The following SYT6 variants were observed in gnomAD, a reference collection of about 807,000 sequenced individuals.
SYT6 encodes synaptotagmin 6.
In SYT6, 24 loss-of-function variants were observed where a neutral mutation model predicts 38.4. That is an observed-to-expected ratio of 0.62 (90% CI 0.45 to 0.88). SYT6 has a LOEUF of 0.88. Among genes scored for constraint, SYT6 ranks in the 40% least tolerant of loss-of-function variants. The pLI is 0.00. For missense variants in SYT6, 611 were observed against 621.0 expected (o/e 0.98, Z 0.17); for synonymous variants, 265 against 241.9 (o/e 1.10, Z -0.89).
At chr1:114,108,189 T>C (rs1423297147) in intron 3 of SYT6, among the ~76,000 whole-genome samples, 1 of 152,174 alleles carries the variant, frequency 6.6e-6, no homozygotes, top group African/African-American at 2.4e-5. Flanking sequence ...CTGATGTCGC[T>C]GCCCATATTA....
At chr1:114,146,683 AG>A (rs1335899756) in intron 1 of SYT6, among the ~76,000 whole-genome samples, 4 of 152,164 alleles carry the variant, frequency 2.6e-5, no homozygotes. Flanking sequence ...AGTACCTCCT[AG>A]GTATTTGGAT....
chr1:114,142,441 G>C (rs1678916454), intron 1 of SYT6, among the ~76,000 whole-genome samples: 1 of 152,162 alleles, frequency 6.6e-6, no homozygotes, highest in Non-Finnish European at 1.5e-5. Flanking sequence ...AATTGTGGAT[G>C]AGTAAATATT....
chr1:114,100,658 G>A (rs773238693), intron 4 of SYT6, among the ~76,000 whole-genome samples: 1 of 152,184 alleles, frequency 6.6e-6, no homozygotes, highest in Non-Finnish European at 1.5e-5. Flanking sequence ...ACATTTGAAA[G>A]GACCCTCTCT....
chr1:114,133,545 C>T (rs1003975922), intron 3 of SYT6, among the ~76,000 whole-genome samples: 10 of 152,152 alleles, frequency 6.6e-5, no homozygotes, highest in African/African-American at 2.4e-4. Flanking sequence ...GAGACAGTGG[C>T]AAACCTCTGG....
In SYT6 at chr1:114,129,564, T is replaced by TTTTCTTTCTTTCTTTCTTTC. The variant is rs58281086; in HGVS notation, c.1071+7911_1071+7930dup. ...TTTTTTTTCTGTCTTTTTTTCTTTC[T>TTTTCTTTCTTTCTTTCTTTC]TTTCTTTCTTTCTTTCTTTCTTTCT... On this transcript the variant is annotated intron_variant, in intron 3 of 7. Coordinates refer to ENST00000610222, the MANE Select transcript of SYT6 (RefSeq NM_001253772.2). Among the ~76,000 whole-genome samples, 138 of 113,004 alleles carry TTTTCTTTCTTTCTTTCTTTC rather than the reference T, an allele frequency of 1.2e-3. 1 individual carries two copies. Among genetic ancestry groups the TTTTCTTTCTTTCTTTCTTTC allele is most frequent in the Admixed American group, 2.8e-3 (29 of 10,510 alleles). The allele number at this position is 113,004 out of a possible 152,430, so 74.1% of individuals were successfully genotyped here.
chr1:114,139,721 G>A lies in SYT6; in HGVS notation c.406C>T (p.His136Tyr). ...GFLEAAVKISHTSPDIPAEVQ... is the reference protein window; with the variant it reads ...GFLEAAVKISYTSPDIPAEVQ... ...TCAGCTGGGATATCTGGGGACGTGT[G>A]GCTGATCTTCACGGCCGCCTCCAGG... Residue 136 changes from histidine to tyrosine, a missense_variant, in exon 2 of 8, where the codon CAC (histidine) becomes TAC (tyrosine). By Grantham distance (83) the His-to-Tyr change is moderately conservative. Coordinates refer to ENST00000610222, the MANE Select transcript of SYT6 (RefSeq NM_001253772.2). The A allele has an allele frequency of 6.2e-7, 1 of 1,614,184 alleles. No homozygotes were observed. Among genetic ancestry groups the A allele is most frequent in the Non-Finnish European group, 8.5e-7 (1 of 1,180,038 alleles).
intron 3 of SYT6, among the ~76,000 whole-genome samples, chr1:114,129,086 C>T (rs1677926479): frequency 6.6e-6 from 1 of 152,170 alleles, no homozygotes. Context: ...CATATGGGTT[C>T]TTCCTCCAAG....
chr1:114,104,073 T>C (rs1571828421), intron 3 of SYT6, among the ~76,000 whole-genome samples: 1 of 152,156 alleles, frequency 6.6e-6, no homozygotes, highest in East Asian at 1.9e-4. Context: ...CCTGTTCTCC[T>C]CCAGCCCACC....
At chr1:114,132,901 T>C (rs1254185913) in intron 3 of SYT6, among the ~76,000 whole-genome samples, 2 of 152,178 alleles carry the variant, frequency 1.3e-5, no homozygotes, top group African/African-American at 2.4e-5. Flanking sequence ...ACAGTTTAGA[T>C]AATGTCCCAA....
intron 3 of SYT6, among the ~76,000 whole-genome samples, chr1:114,129,746 T>C (rs1373060823): frequency 6.6e-6 from 1 of 151,550 alleles, no homozygotes; most frequent in Non-Finnish European, 1.5e-5. Context: ...GGTGTAATCA[T>C]GGCTCACTGC....
chr1:114,143,558 A>ATGTG (rs1037370449), intron 1 of SYT6, among the ~76,000 whole-genome samples: 1 of 148,738 alleles, frequency 6.7e-6, no homozygotes, highest in African/African-American at 2.5e-5. Context: ...ACTTATGTGC[A>ATGTG]TGTGTGTGTG....
chr1:114,112,364 C>T (rs1427833779), intron 3 of SYT6, among the ~76,000 whole-genome samples: 2 of 152,232 alleles, frequency 1.3e-5, no homozygotes, highest in Admixed American at 1.3e-4. Flanking sequence ...ATCTGAGCAT[C>T]TTCAGAGAAA....
intron 4 of SYT6, among the ~76,000 whole-genome samples, chr1:114,101,409 C>T (rs1043485427): frequency 1.3e-5 from 2 of 152,146 alleles, no homozygotes; most frequent in African/African-American, 4.8e-5. Flanking sequence ...ACACAAAGAC[C>T]AGCAGTGTAT....
At chr1:114,145,808 A>T (rs1455396320) in intron 1 of SYT6, among the ~76,000 whole-genome samples, 1 of 152,182 alleles carries the variant, frequency 6.6e-6, no homozygotes, top group Non-Finnish European at 1.5e-5. Flanking sequence ...GAAGGGGAGT[A>T]GGGGGAATCT....
At position 114,089,464 on chromosome 1, in the gene SYT6, T is replaced by G. The variant is rs1675172087; in HGVS notation, c.*2670A>C. The G allele has an allele frequency of 6.6e-6, 1 of 152,476 alleles. No individual in the cohort carries two copies. The highest frequency in any genetic ancestry group is 1.5e-5 in the Non-Finnish European group (1 of 68,004). 9.4% of individuals were successfully genotyped at this position (152,476 alleles called of 1,614,324 possible). A position where few individuals can be genotyped will look rare whatever the true frequency, so the allele number is the denominator to read the frequency against. ...CTTTCAGCCCGGAAACACTGCTAAA[T>G]AAAGGAGAAGGGAACTTTTCATGTT... is the stretch of plus-strand genomic sequence containing the variant. On this transcript the variant is annotated 3_prime_UTR_variant, in exon 8 of 8. Transcript: ENST00000610222.
rs1675335841 is a variant in SYT6 at position 114,092,051 on chromosome 1, T to C, written c.*83A>G. 2 of 1,536,184 alleles carry C rather than the reference T, an allele frequency of 1.3e-6. No homozygotes were observed. Among genetic ancestry groups the C allele is most frequent in the African/African-American group, 2.7e-5 (2 of 73,062 alleles). On this transcript the variant is annotated 3_prime_UTR_variant, in exon 8 of 8. Coordinates refer to ENST00000610222, the MANE Select transcript of SYT6 (RefSeq NM_001253772.2). Reference sequence around the variant, plus strand: ...TGGTTTCGGAGATGGGCACGAGCTCTCACTGTCGAAGCTAGCAGCTCGGCC... The same window carrying C: ...TGGTTTCGGAGATGGGCACGAGCTCCCACTGTCGAAGCTAGCAGCTCGGCC...
chr1:114,150,853 A>G, intron 1 of SYT6, among the ~76,000 whole-genome samples: 1 of 152,194 alleles, frequency 6.6e-6, no homozygotes, highest in East Asian at 1.9e-4. Flanking sequence ...GGGTCTGATT[A>G]ACTGAGACTT....
intron 2 of SYT6, 74 bp from the exon 3 acceptor site, chr1:114,138,127 C>A: frequency 1.4e-6 from 2 of 1,399,618 alleles, no homozygotes; most frequent in Non-Finnish European, 9.6e-7. Context: ...CAAACACGAG[C>A]CTGGAGGCCC....
At chr1:114,092,311 A>ACTCTCTCTCTCTCTCTCT (rs35257020) in intron 7 of SYT6, among the ~76,000 whole-genome samples, 3 of 133,434 alleles carry the variant, frequency 2.2e-5, no homozygotes, top group African/African-American at 3.1e-5. Flanking sequence ...AGCTTTCTTA[A>ACTCTCTCTCTCTCTCTCT]CTCTCTCTCT....
Sources: gnomAD v4.1 joint callset for allele counts (sites outside exome capture counted in the v4.1 genomes callset) on GRCh38, gnomAD v4.1.1 for gene constraint, MANE v1.5 for transcripts, NCBI Gene and HGNC (gene_info 2026-07-23, HGNC 2026-07-21) for gene names.